MAP2K6: variants seen among roughly 807,000 people sequenced by gnomAD.
MAP2K6 encodes the protein dual specificity mitogen-activated protein kinase kinase 6.
Under a neutral mutation model 53.7 loss-of-function variants are expected in MAP2K6, and 16 were observed. The ratio of observed to expected loss-of-function variants is 0.30; its 90% CI spans 0.20 to 0.45. The LOEUF is 0.45. Ranked by LOEUF, MAP2K6 falls within the 20% of genes least tolerant of loss-of-function variation. The probability of loss-of-function intolerance (pLI) is 1.00; values close to 1 mark genes in which losing one functional copy is unlikely to be tolerated. For missense variants in MAP2K6, 204 were observed against 411.9 expected (o/e 0.50, Z 4.37); for synonymous variants, 132 against 143.1 (o/e 0.92, Z 0.55).
At chr17:69,430,775 C>T (rs752820401) in intron 1 of MAP2K6, among the ~76,000 whole-genome samples, 1 of 152,206 alleles carries the variant, frequency 6.6e-6, no homozygotes, top group African/African-American at 2.4e-5. Context: ...CTGGTTTTCT[C>T]TGTCAGGTTA....
At position 69,507,172 on chromosome 17, in the gene MAP2K6, C is replaced by T. The variant is rs769748133; in HGVS notation, c.83+1326C>T. On this transcript the variant is annotated intron_variant, in intron 2 of 11. Coordinates refer to ENST00000590474, the MANE Select transcript of MAP2K6 (RefSeq NM_002758.4). ...AGATTAACAGGAGGTTGCAAAGAAA[C>T]GTACAGGGAAGTCCCATAGATCCCT... Among the ~76,000 whole-genome samples, 10 of 152,018 alleles carry T rather than the reference C, an allele frequency of 6.6e-5. No individual in the cohort carries two copies. In the South Asian group the frequency reaches 8.3e-4, roughly 13 times the overall value.
chr17:69,436,513 CG>C (rs1906646253), intron 1 of MAP2K6, among the ~76,000 whole-genome samples: 1 of 152,118 alleles, frequency 6.6e-6, no homozygotes, highest in Non-Finnish European at 1.5e-5. Context: ...GTGCCTGGCA[CG>C]TAGTAGGTGG....
Position 69,553,712 on chromosome 17 carries a change from C to T in MAP2K6, c.*11959C>T, listed in dbSNP as rs998601799. ...GACAGTGATAATGGCAAAAAAAACA[C>T]CCAACCACCTTTTTCCGTCAAAGTG... On this transcript the variant is annotated 3_prime_UTR_variant, in exon 12 of 12. Coordinates refer to ENST00000590474, the MANE Select transcript of MAP2K6 (RefSeq NM_002758.4). 6.6e-6 allele frequency: 1 copy of T among 152,190 alleles called. No homozygotes were observed. The highest frequency in any genetic ancestry group is 2.4e-5 in the African/African-American group (1 of 41,442). The allele number at this position is 152,190 out of a possible 1,614,324, so 9.4% of individuals were successfully genotyped here.
intron 10 of MAP2K6, among the ~76,000 whole-genome samples, chr17:69,531,672 C>T (rs115952421): frequency 0.012 from 1,860 of 152,134 alleles, 31 homozygotes; most frequent in African/African-American, 0.039. Flanking sequence ...ACCATATGAA[C>T]GTAAAGGAAA....
Position 69,519,384 on chromosome 17 carries a change from G to T in MAP2K6, c.318G>T (p.Thr106=). ...TGGATTTGGATATTTCCATGAGGAC[G>T]GTGGACTGTCCATTCACTGTCACCT... ...LLMDLDISMR[T]VDCPFTVTFY... The change falls in exon 5 of 12, where the codon ACG becomes ACT. Residue 106 remains threonine (T), a synonymous_variant. Coordinates refer to ENST00000590474, the MANE Select transcript of MAP2K6 (RefSeq NM_002758.4). The T allele has an allele frequency of 6.2e-7, 1 of 1,614,074 alleles. No individual in the cohort carries two copies. The highest frequency in any genetic ancestry group is 8.5e-7 in the Non-Finnish European group (1 of 1,179,920).
At chr17:69,433,370 G>T (rs918430404) in intron 1 of MAP2K6, 4 of 152,218 alleles carry the variant, frequency 2.6e-5, no homozygotes, top group Non-Finnish European at 5.9e-5. Context: ...GTCAGACTTT[G>T]ACTCTCTGGG....
intron 1 of MAP2K6, chr17:69,434,200 T>C (rs1422136541): frequency 6.6e-6 from 1 of 152,238 alleles, no homozygotes; most frequent in Non-Finnish European, 1.5e-5. Context: ...TAGTACTGAA[T>C]GTAGTTTTCT....
At chr17:69,462,317 C>T (rs1407288258) in intron 1 of MAP2K6, among the ~76,000 whole-genome samples, 2 of 152,084 alleles carry the variant, frequency 1.3e-5, no homozygotes, top group African/African-American at 2.4e-5. Flanking sequence ...TAAAGAGATG[C>T]TTGGCTGGTC....
At chr17:69,467,239 T>G (rs1279170253) in intron 1 of MAP2K6, among the ~76,000 whole-genome samples, 3 of 152,228 alleles carry the variant, frequency 2.0e-5, no homozygotes, top group African/African-American at 7.2e-5. Context: ...GTACCATATA[T>G]GAATAGGTAC....
intron 1 of MAP2K6, among the ~76,000 whole-genome samples, chr17:69,488,570 C>T (rs1908632438): frequency 6.6e-6 from 1 of 152,084 alleles, no homozygotes; most frequent in South Asian, 2.1e-4. Context: ...TACATATACA[C>T]CGTGAAATAC....
intron 1 of MAP2K6, among the ~76,000 whole-genome samples, chr17:69,445,288 G>A (rs949422543): frequency 6.6e-6 from 1 of 152,206 alleles, no homozygotes; most frequent in Non-Finnish European, 1.5e-5. Context: ...TTGACTCAGG[G>A]AAGTTAAGCA....
intron 1 of MAP2K6, among the ~76,000 whole-genome samples, chr17:69,486,368 C>T (rs1908536744): frequency 6.6e-6 from 1 of 152,054 alleles, no homozygotes; most frequent in Non-Finnish European, 1.5e-5. Context: ...CAGAAAATGC[C>T]CTGAGAGAGT....
chr17:69,445,484 G>A (rs1906941145), intron 1 of MAP2K6, among the ~76,000 whole-genome samples: 1 of 152,188 alleles, frequency 6.6e-6, no homozygotes, highest in Non-Finnish European at 1.5e-5. Flanking sequence ...ATCAAATCAT[G>A]GATAAATGTT....
intron 1 of MAP2K6, among the ~76,000 whole-genome samples, chr17:69,419,281 G>C (rs1906000190): frequency 6.6e-6 from 1 of 152,076 alleles, no homozygotes. Context: ...ATTTCTTTAG[G>C]ATGATTCCTA....
chr17:69,505,011 G>A (rs764490749), intron 1 of MAP2K6, among the ~76,000 whole-genome samples: 2 of 151,476 alleles, frequency 1.3e-5, no homozygotes, highest in Non-Finnish European at 2.9e-5. Flanking sequence ...CTTTGTAGTA[G>A]TTAACAGATC....
At chr17:69,441,120 G>T (rs1906803653) in intron 1 of MAP2K6, among the ~76,000 whole-genome samples, 1 of 152,200 alleles carries the variant, frequency 6.6e-6, no homozygotes, top group Non-Finnish European at 1.5e-5. Flanking sequence ...GGCCACCCTT[G>T]TGTATGTAGG....
chr17:69,446,539 T>C (rs1262386372), intron 1 of MAP2K6, among the ~76,000 whole-genome samples: 1 of 152,178 alleles, frequency 6.6e-6, no homozygotes, highest in Non-Finnish European at 1.5e-5. Flanking sequence ...TCATTGCTCC[T>C]TCACTACTAA....
intron 2 of MAP2K6, among the ~76,000 whole-genome samples, chr17:69,508,219 T>G (rs77408442): frequency 1.4e-5 from 2 of 138,234 alleles, no homozygotes; most frequent in South Asian, 4.4e-4. Flanking sequence ...GCCCAGCTGA[T>G]TTTTTTTTTT....
chr17:69,531,380 T>TG lies in MAP2K6; in HGVS notation c.881+4672dup, dbSNP rs145846194. ...TACACCTGCCTAGGTATCATACCCG[T>TG]GCCAAGGAATCAACTTGGCACGATG... On this transcript the variant is annotated intron_variant, in intron 10 of 11. Coordinates refer to ENST00000590474, the MANE Select transcript of MAP2K6 (RefSeq NM_002758.4). Among the ~76,000 whole-genome samples, 1,163 of 152,294 alleles carry TG rather than the reference T, an allele frequency of 7.6e-3. 15 individuals carry two copies. Among genetic ancestry groups the TG allele is most frequent in the African/African-American group, 0.027 (1,115 of 41,542 alleles).
Sources: gnomAD v4.1 joint callset for allele counts (sites outside exome capture counted in the v4.1 genomes callset) on GRCh38, gnomAD v4.1.1 for gene constraint, MANE v1.5 for transcripts, NCBI Gene and HGNC (gene_info 2026-07-23, HGNC 2026-07-21) for gene names.